The following FOXK2 variants were observed in gnomAD, a reference collection of about 807,000 sequenced individuals.
The protein encoded by FOXK2 is forkhead box protein K2.
FOXK2 carries 24 observed loss-of-function variants against 53.3 expected under a neutral mutation model. That is an observed-to-expected ratio of 0.45 (90% CI 0.33 to 0.63). The LOEUF is 0.63. FOXK2 is among the 30% of genes least tolerant of loss of function. FOXK2 has a pLI of 0.03. For synonymous variants in FOXK2, 505 were observed against 407.1 expected (o/e 1.24, Z -2.89); for missense variants, 952 against 910.5 (o/e 1.05, Z -0.59).
intron 1 of FOXK2, among the ~76,000 whole-genome samples, chr17:82,538,283 T>G (rs141658873): frequency 5.3e-5 from 8 of 151,766 alleles, no homozygotes; most frequent in Non-Finnish European, 7.4e-5. Context: ...AGGCCAGGAG[T>G]TCGAGACCAG....
chr17:82,573,492 A>T (rs1023392189), intron 4 of FOXK2, among the ~76,000 whole-genome samples: 1 of 151,870 alleles, frequency 6.6e-6, no homozygotes, highest in Non-Finnish European at 1.5e-5. Context: ...TATTTACTCT[A>T]TAAAACTGAG....
At chr17:82,527,874 C>T (rs566016407) in intron 1 of FOXK2, among the ~76,000 whole-genome samples, 1 of 152,300 alleles carries the variant, frequency 6.6e-6, no homozygotes, top group South Asian at 2.1e-4. Flanking sequence ...CATCATAGCT[C>T]ACTGCAGCCT....
chr17:82,559,241 G>A (rs1339449153), intron 1 of FOXK2: 7 of 405,996 alleles, frequency 1.7e-5, no homozygotes, highest in Non-Finnish European at 3.5e-5. Flanking sequence ...GTATGTGGAT[G>A]TGGAGTGCGG....
chr17:82,529,434 G>A (rs2044450658), intron 1 of FOXK2, among the ~76,000 whole-genome samples: 1 of 150,068 alleles, frequency 6.7e-6, no homozygotes, highest in Non-Finnish European at 1.5e-5. Flanking sequence ...CTGTCGTCCA[G>A]GCTGGAATGC....
At chr17:82,527,847 C>G (rs2044433504) in intron 1 of FOXK2, among the ~76,000 whole-genome samples, 1 of 152,196 alleles carries the variant, frequency 6.6e-6, no homozygotes, top group African/African-American at 2.4e-5. Flanking sequence ...GTCACCCAGG[C>G]TGGAGTACAG....
rs774069160 is a variant in FOXK2 at position 82,586,148 on chromosome 17, G to A, written c.1524G>A (p.Leu508=). 2 of 1,612,428 alleles carry A rather than the reference G, an allele frequency of 1.2e-6. No individual in the cohort carries two copies. Among genetic ancestry groups the A allele is most frequent in the South Asian group, 2.2e-5 (2 of 91,052 alleles). The part of the protein sequence containing the change: ...GQAVVTPAAV[L]APPKAEAQEN... ...CTGTGGTCACCCCGGCAGCCGTGCT[G>A]GCCCCTCCTAAGGCAGAGGCCCAGG... The change falls in exon 7 of 9, where the codon CTG becomes CTA. Residue 508 remains leucine, a synonymous_variant. Coordinates refer to ENST00000335255, the MANE Select transcript of FOXK2 (RefSeq NM_004514.4).
At chr17:82,597,800 GCCA>G (rs920701873) in intron 8 of FOXK2, among the ~76,000 whole-genome samples, 8 of 152,068 alleles carry the variant, frequency 5.3e-5, no homozygotes, top group Non-Finnish European at 1.2e-4. Flanking sequence ...ACAGGTGCCC[GCCA>G]CCACACCTGG....
chr17:82,546,235 GC>G (rs2044624469), intron 1 of FOXK2, among the ~76,000 whole-genome samples: 1 of 149,074 alleles, frequency 6.7e-6, no homozygotes. Flanking sequence ...TCCTGCCTCA[GC>G]CTCTTGAGGA....
chr17:82,584,896 C>T (rs1181794923), intron 6 of FOXK2, among the ~76,000 whole-genome samples: 1 of 152,190 alleles, frequency 6.6e-6, no homozygotes, highest in Non-Finnish European at 1.5e-5. Flanking sequence ...TTGCAGTTTA[C>T]TTAGTCATAA....
intron 1 of FOXK2, among the ~76,000 whole-genome samples, chr17:82,522,757 A>T (rs770976279): frequency 6.6e-6 from 1 of 152,226 alleles, no homozygotes; most frequent in African/African-American, 2.4e-5. Context: ...CTAACATGAT[A>T]AACATGGAGA....
chr17:82,566,580 G>C (rs11652476), intron 2 of FOXK2, among the ~76,000 whole-genome samples: 39,423 of 151,998 alleles, frequency 0.26, 5,442 homozygotes, highest in East Asian at 0.39. Flanking sequence ...CCAAGTTTAC[G>C]TAAGTCACAT....
chr17:82,573,199 G>GA (rs762314830), intron 4 of FOXK2, among the ~76,000 whole-genome samples: 8 of 148,930 alleles, frequency 5.4e-5, no homozygotes, highest in Admixed American at 1.3e-4. Context: ...TCTCAAAAAG[G>GA]AAAAAAAAAG....
At chr17:82,585,561 A>G (rs1175898742) in intron 6 of FOXK2, among the ~76,000 whole-genome samples, 2 of 152,018 alleles carry the variant, frequency 1.3e-5, no homozygotes, top group African/African-American at 4.8e-5. Context: ...CAGCCTCCCA[A>G]AGTGCTGGGA....
intron 3 of FOXK2, among the ~76,000 whole-genome samples, chr17:82,568,891 A>G (rs988750035): frequency 6.6e-6 from 1 of 152,168 alleles, no homozygotes; most frequent in Non-Finnish European, 1.5e-5. Flanking sequence ...CGCAGCTGTA[A>G]TCTCAGCTGC....
At chr17:82,568,339 C>A in intron 3 of FOXK2, 138 bp downstream of exon 3, 1 of 1,008,074 alleles carries the variant, frequency 9.9e-7, no homozygotes, top group Non-Finnish European at 1.5e-6. Flanking sequence ...GGGCTTGATT[C>A]TGGTGTTGCT....
chr17:82,553,762 AT>A (rs1286740190), intron 1 of FOXK2, among the ~76,000 whole-genome samples: 3 of 152,142 alleles, frequency 2.0e-5, no homozygotes, highest in Non-Finnish European at 4.4e-5. Context: ...TGTGGTGGAG[AT>A]TGTCCCAGAC....
chr17:82,569,963 T>A (rs996635271), intron 3 of FOXK2, among the ~76,000 whole-genome samples: 2 of 148,472 alleles, frequency 1.3e-5, no homozygotes, highest in South Asian at 2.2e-4. Flanking sequence ...GGCTCACGCC[T>A]GTAATCCCCA....
intron 4 of FOXK2, among the ~76,000 whole-genome samples, chr17:82,574,883 A>G (rs2044965027): frequency 6.6e-6 from 1 of 152,198 alleles, no homozygotes. Context: ...AAAAGATGCC[A>G]TATGTCTTTC....
At chr17:82,579,869 C>T in intron 4 of FOXK2, among the ~76,000 whole-genome samples, 1 of 126,408 alleles carries the variant, frequency 7.9e-6, no homozygotes, top group South Asian at 2.9e-4. Context: ...CATGGCCTAG[C>T]CCACCTCTCC....
Sources: gnomAD v4.1 joint callset for allele counts (sites outside exome capture counted in the v4.1 genomes callset) on GRCh38, gnomAD v4.1.1 for gene constraint, MANE v1.5 for transcripts, NCBI Gene and HGNC (gene_info 2026-07-23, HGNC 2026-07-21) for gene names.